The following KCNT2 variants were observed in gnomAD, a reference collection of about 807,000 sequenced individuals.
The protein encoded by KCNT2 is potassium sodium-activated channel subfamily T member 2.
In KCNT2, 67 loss-of-function variants were observed where a neutral mutation model predicts 153.8. That is an observed-to-expected ratio of 0.44 (90% CI 0.36 to 0.53). The LOEUF is 0.53. Among genes scored for constraint, KCNT2 ranks in the 20% least tolerant of loss-of-function variants. The pLI is 0.00. For missense variants in KCNT2, 975 were observed against 1,354.8 expected (o/e 0.72, Z 4.40); for synonymous variants, 500 against 458.8 (o/e 1.09, Z -1.15).
intron 1 of KCNT2, among the ~76,000 whole-genome samples, chr1:196,598,682 T>C (rs915833654): frequency 3.3e-5 from 5 of 152,212 alleles, no homozygotes; most frequent in African/African-American, 1.2e-4. Flanking sequence ...ATAGGCATAA[T>C]AATTAGATTC....
chr1:196,462,116 G>A (rs1557966596), intron 8 of KCNT2, among the ~76,000 whole-genome samples: 1 of 151,588 alleles, frequency 6.6e-6, no homozygotes, highest in Non-Finnish European at 1.5e-5. Flanking sequence ...CTATTCATAT[G>A]AGAAATATTT....
chr1:196,369,696 G>A (rs1454421228), intron 14 of KCNT2, among the ~76,000 whole-genome samples: 7 of 152,110 alleles, frequency 4.6e-5, no homozygotes, highest in Non-Finnish European at 8.8e-5. Flanking sequence ...TGGTGTATAT[G>A]TGCCACATTT....
chr1:196,582,705 G>C (rs1043955650), intron 1 of KCNT2, among the ~76,000 whole-genome samples: 1 of 152,014 alleles, frequency 6.6e-6, no homozygotes, highest in East Asian at 1.9e-4. Context: ...TGAGTCCTTT[G>C]AATTATTCTC....
intron 3 of KCNT2, among the ~76,000 whole-genome samples, chr1:196,484,988 A>C (rs895670774): frequency 6.6e-6 from 1 of 152,114 alleles, no homozygotes; most frequent in African/African-American, 2.4e-5. Flanking sequence ...CTCTAAAGAC[A>C]CAAGCACACT....
At chr1:196,332,342 G>C (rs1375348923) in intron 17 of KCNT2, among the ~76,000 whole-genome samples, 1 of 152,088 alleles carries the variant, frequency 6.6e-6, no homozygotes, top group Non-Finnish European at 1.5e-5. Flanking sequence ...CCAAAACACT[G>C]TTTCCTGTGA....
At chr1:196,555,340 C>T (rs1658499280) in intron 1 of KCNT2, among the ~76,000 whole-genome samples, 1 of 151,330 alleles carries the variant, frequency 6.6e-6, no homozygotes, top group Non-Finnish European at 1.5e-5. Context: ...AAATCAGTAG[C>T]ATTTCTATAT....
At chr1:196,355,352 A>T (rs1482628040) in intron 14 of KCNT2, among the ~76,000 whole-genome samples, 1 of 151,788 alleles carries the variant, frequency 6.6e-6, no homozygotes, top group Admixed American at 6.6e-5. Flanking sequence ...AGTTGCAGAC[A>T]CAATATAAAG....
In KCNT2 at chr1:196,226,021, T is replaced by C. The variant is rs1653465456; in HGVS notation, c.*2203A>G. 2 of 152,252 alleles carry C rather than the reference T, an allele frequency of 1.3e-5. No individual in the cohort carries two copies. The highest frequency in any genetic ancestry group is 4.1e-4 in the South Asian group (2 of 4,830). 9.4% of individuals were successfully genotyped at this position (152,252 alleles called of 1,614,324 possible). ...AAAGACTAATAAATTATCATTATTG[T>C]AGCAAGCTGGTATGAACTGTGTCAA... is the stretch of plus-strand genomic sequence containing the variant. On this transcript the variant is annotated 3_prime_UTR_variant, in exon 28 of 28. Coordinates refer to ENST00000294725, the MANE Select transcript of KCNT2 (RefSeq NM_198503.5).
intron 3 of KCNT2, among the ~76,000 whole-genome samples, chr1:196,488,527 A>T (rs1160165062): frequency 6.6e-6 from 1 of 151,932 alleles, no homozygotes; most frequent in Non-Finnish European, 1.5e-5. Context: ...CACCCACCAA[A>T]TGCCCTTTTA....
At chr1:196,331,532 C>G (rs1173906191) in intron 17 of KCNT2, among the ~76,000 whole-genome samples, 1 of 151,908 alleles carries the variant, frequency 6.6e-6, no homozygotes, top group Non-Finnish European at 1.5e-5. Flanking sequence ...GAAAATTATA[C>G]GAAGTTCAAA....
intron 1 of KCNT2, among the ~76,000 whole-genome samples, chr1:196,505,934 G>C (rs1157705410): frequency 2.0e-5 from 3 of 152,092 alleles, no homozygotes; most frequent in African/African-American, 7.2e-5. Context: ...CGTTGATTTT[G>C]TATCCTGAGA....
chr1:196,527,659 T>G (rs1189244988), intron 1 of KCNT2, among the ~76,000 whole-genome samples: 1 of 152,190 alleles, frequency 6.6e-6, no homozygotes, highest in African/African-American at 2.4e-5. Flanking sequence ...ATTTCTAGCA[T>G]ATGAAGGATA....
intron 8 of KCNT2, among the ~76,000 whole-genome samples, chr1:196,438,503 G>C (rs1243935297): frequency 6.6e-6 from 1 of 151,762 alleles, no homozygotes; most frequent in Non-Finnish European, 1.5e-5. Context: ...GAAGAGTTAG[G>C]CAATTTGCAA....
intron 21 of KCNT2, among the ~76,000 whole-genome samples, chr1:196,307,475 CT>C (rs1661741915): frequency 6.6e-6 from 1 of 152,102 alleles, no homozygotes; most frequent in African/African-American, 2.4e-5. Flanking sequence ...GTTGGCTTCT[CT>C]AGCTACCTGG....
chr1:196,349,718 T>G (rs1666467688), intron 14 of KCNT2, among the ~76,000 whole-genome samples: 1 of 151,912 alleles, frequency 6.6e-6, no homozygotes, highest in African/African-American at 2.4e-5. Context: ...TTTTTTATTA[T>G]TATTATACTT....
Position 196,228,162 on chromosome 1 carries a change from G to T in KCNT2, c.*62C>A. ...TTTCCATCTAGTTTCTTTCGTGCCA[G>T]CAAAACTTTTGTGGTTTCAAGCAAG... is the stretch of plus-strand genomic sequence containing the variant. On this transcript the variant is annotated 3_prime_UTR_variant, in exon 28 of 28. Transcript: ENST00000294725. 1.1e-6 allele frequency: 1 copy of T among 900,430 alleles called. No individual in the cohort carries two copies. Among genetic ancestry groups the T allele is most frequent in the Non-Finnish European group, 1.8e-6 (1 of 554,608 alleles). 55.8% of individuals were successfully genotyped at this position (900,430 alleles called of 1,614,324 possible). A position where few individuals can be genotyped will look rare whatever the true frequency, so the allele number is the denominator to read the frequency against.
chr1:196,378,181 T>C (rs541489005), intron 13 of KCNT2, among the ~76,000 whole-genome samples: 1 of 151,706 alleles, frequency 6.6e-6, no homozygotes, highest in Admixed American at 6.6e-5. Flanking sequence ...GCTTTGGAGG[T>C]TTCTCAATTC....
chr1:196,589,728 T>C (rs1232416291), intron 1 of KCNT2, among the ~76,000 whole-genome samples: 3 of 152,182 alleles, frequency 2.0e-5, no homozygotes, highest in African/African-American at 4.8e-5. Context: ...TGTAGGTGTT[T>C]TGAATATACT....
chr1:196,467,598 G>A (rs917234264), intron 7 of KCNT2, 105 bp downstream of exon 7: 55 of 619,782 alleles, frequency 8.9e-5, no homozygotes, highest in Non-Finnish European at 8.4e-6. Flanking sequence ...GAATTAGAAA[G>A]TTCAAGACTA....
Sources: allele counts gnomAD v4.1 joint callset (sites outside exome capture counted in the v4.1 genomes callset), GRCh38; gene constraint gnomAD v4.1.1; transcripts MANE v1.5; gene names NCBI Gene and HGNC (gene_info 2026-07-23, HGNC 2026-07-21).